The following ACTN3 variants were observed in gnomAD, a reference collection of about 807,000 sequenced individuals.
ACTN3 encodes alpha-actinin-3.
Under a neutral mutation model 119.6 loss-of-function variants are expected in ACTN3, and 91 were observed. The ratio of observed to expected loss-of-function variants is 0.76; its 90% CI spans 0.64 to 0.91. The LOEUF is 0.91. Among genes scored for constraint, ACTN3 ranks in the 40% least tolerant of loss-of-function variants. The probability of loss-of-function intolerance (pLI) is 0.00; values close to 1 mark genes in which losing one functional copy is unlikely to be tolerated. For missense variants in ACTN3, 1,221 were observed against 1,215.1 expected (o/e 1.00, Z -0.07); for synonymous variants, 456 against 478.8 (o/e 0.95, Z 0.62).
chr11:66,559,130 G>A (rs984473255), intron 11 of ACTN3, 106 bp from the exon 12 acceptor site: 16 of 1,241,700 alleles, frequency 1.3e-5, no homozygotes, highest in Middle Eastern at 3.0e-4. Flanking sequence ...GAGCTAGGCC[G>A]GTGCGATCGC....
At chr11:66,562,633 C>T (rs1857808515) in intron 19 of ACTN3, 163 bp from the exon 20 acceptor site, 1 of 346,846 alleles carries the variant, frequency 2.9e-6, no homozygotes, top group Non-Finnish European at 4.1e-6. Flanking sequence ...TTCAGCCTAC[C>T]ATAAAGGACT....
Position 66,554,151 on chromosome 11 carries a change from G to T in ACTN3, c.469+20G>T, listed in dbSNP as rs781501046. The stretch of plus-strand genomic sequence containing the variant: ...TGGAAGGTGAGCAATGGGAAAGGAG[G>T]TTGGGGCCAGGTGCAGTGGCTGGGG... On this transcript the variant is annotated intron_variant, in intron 4 of 20. Transcript: ENST00000513398. The T allele has an allele frequency of 1.9e-6, 3 of 1,611,570 alleles. No homozygotes were observed. Among genetic ancestry groups the T allele is most frequent in the Admixed American group, 3.3e-5 (2 of 59,970 alleles).
Position 66,562,867 on chromosome 11 carries a change from C to T in ACTN3, c.2460C>T (p.Ala820=). 1 of 1,613,848 alleles carries T rather than the reference C, an allele frequency of 6.2e-7. No individual in the cohort carries two copies. Among genetic ancestry groups the T allele is most frequent in the Non-Finnish European group, 8.5e-7 (1 of 1,179,828 alleles). ...CAGCTGGGGTGGTGACCTTCCAGGC[C>T]TTCATAGACTTCATGACCCGAGAGA... ...PNAAGVVTFQ[A]FIDFMTRETA... The change falls in exon 20 of 21, where the codon GCC becomes GCT. Residue 820 remains alanine (A), a synonymous_variant. Coordinates refer to ENST00000513398, the MANE Select transcript of ACTN3 (RefSeq NM_001104.4).
At chr11:66,548,437 C>G (rs912179822) in intron 1 of ACTN3, among the ~76,000 whole-genome samples, 1 of 152,156 alleles carries the variant, frequency 6.6e-6, no homozygotes, top group African/African-American at 2.4e-5. Context: ...TGTAACTTGC[C>G]TTTGTCACCT....
chr11:66,548,574 G>A (rs1857411953), intron 1 of ACTN3, among the ~76,000 whole-genome samples: 1 of 152,088 alleles, frequency 6.6e-6, no homozygotes, highest in Non-Finnish European at 1.5e-5. Context: ...TGGACATTTG[G>A]CTCATTTCTT....
At chr11:66,547,598 A>C (rs1460404086) in intron 1 of ACTN3, among the ~76,000 whole-genome samples, 1 of 152,076 alleles carries the variant, frequency 6.6e-6, no homozygotes, top group East Asian at 1.9e-4. Context: ...GCCCAGAAAG[A>C]GCACAGACAG....
Position 66,556,191 on chromosome 11 carries a change from T to C in ACTN3, c.765T>C (p.Tyr255=), listed in dbSNP as rs1857586085. 1 of 1,613,978 alleles carries C rather than the reference T, an allele frequency of 6.2e-7. No homozygotes were observed. The highest frequency in any genetic ancestry group is 8.5e-7 in the Non-Finnish European group (1 of 1,179,932). ...CGGATGAGAAGGCCATCATGACCTA[T>C]GTGTCCTGCTTCTACCATGCCTTTG... ...PKPDEKAIMT[Y]VSCFYHAFAG... Residue 255 remains tyrosine, a synonymous_variant, in exon 8 of 21, where the codon TAT becomes TAC. Coordinates refer to ENST00000513398, the MANE Select transcript of ACTN3 (RefSeq NM_001104.4).
chr11:66,554,216 C>T (rs954786314), intron 4 of ACTN3, 85 bp downstream of exon 4: 2 of 1,165,480 alleles, frequency 1.7e-6, no homozygotes, highest in Admixed American at 1.9e-5. Context: ...GGCGGGCAGA[C>T]CACTTGAAGG....
At position 66,560,279 on chromosome 11, in the gene ACTN3, G is replaced by A. The variant is rs563602101; in HGVS notation, c.1645G>A (p.Val549Met). ...TGGTGCCGTGGAGGACCTGCAGGAC[G>A]TGTGGCTGGTACACTCTGTGGAGGA... ...LDGAVEDLQDVWLVHSVEETQ... is the reference protein window; with the variant it reads ...LDGAVEDLQDMWLVHSVEETQ... The change falls in exon 14 of 21, where the codon GTG becomes ATG. Residue 549 changes from valine (V) to methionine (M), a missense_variant. Coordinates refer to ENST00000513398, the MANE Select transcript of ACTN3 (RefSeq NM_001104.4). The A allele has an allele frequency of 2.4e-4, 383 of 1,613,304 alleles. 5 individuals carry two copies. The South Asian group carries it at 3.7e-3, about 16-fold the overall frequency.
intron 1 of ACTN3, among the ~76,000 whole-genome samples, chr11:66,550,574 A>G (rs1476543535): frequency 6.6e-6 from 1 of 151,948 alleles, no homozygotes; most frequent in Admixed American, 6.6e-5. Flanking sequence ...GGGCAACATA[A>G]TAAGACCGAG....
chr11:66,556,526 T>G (rs1857594349), intron 8 of ACTN3, among the ~76,000 whole-genome samples: 1 of 152,198 alleles, frequency 6.6e-6, no homozygotes, highest in African/African-American at 2.4e-5. Context: ...CACGGCTCAT[T>G]GCTGCCTTGA....
Position 66,554,046 on chromosome 11 carries a change from G to C in ACTN3, c.384G>C (p.Glu128Asp). 3 of 1,613,784 alleles carry C rather than the reference G, an allele frequency of 1.9e-6. No individual in the cohort carries two copies. The East Asian group carries it at 6.7e-5, about 36-fold the overall frequency. The change falls in exon 4 of 21, where the codon GAG (glutamate) becomes GAC (aspartate). Residue 128 changes from glutamate (E) to aspartate (D), a missense_variant and splice_region_variant. This residue lies in a region of ACTN3 where 239 missense variants were observed against 231.8 expected (regional missense o/e 1.03). Transcript: ENST00000513398. ...GVKLVSIGAE[E>D]IVDGNLKMTL... ...TGTCCCCTGACCCCTGCCCTGCAGA[G>C]ATTGTTGACGGGAACCTGAAGATGA... is the stretch of plus-strand genomic sequence containing the variant.
At chr11:66,561,783 A>T in intron 17 of ACTN3, 146 bp downstream of exon 17, 1 of 1,117,488 alleles carries the variant, frequency 8.9e-7, no homozygotes, top group Non-Finnish European at 1.2e-6. Flanking sequence ...ATGGAAAGTG[A>T]CCCTTCCAGA....
rs756597205 is a variant in ACTN3 at position 66,554,540 on chromosome 11, C to T, written c.474C>T (p.Thr158=). The T allele has an allele frequency of 6.2e-6, 10 of 1,609,634 alleles. No homozygotes were observed. Among genetic ancestry groups the T allele is most frequent in the Non-Finnish European group, 8.5e-6 (10 of 1,177,626 alleles). ...FAIQDISVEE[T]SAKEGLLLWC... ...TCCCACCTCCCCCCGACCCAGAAAC[C>T]TCAGCCAAGGAAGGCTTGCTTCTGT... Residue 158 remains threonine, a synonymous_variant, in exon 5 of 21, where the codon ACC becomes ACT. Transcript: ENST00000513398.
At chr11:66,562,355 C>A (rs1565310389) in intron 19 of ACTN3, 33 bp downstream of exon 19, 2 of 1,605,848 alleles carry the variant, frequency 1.2e-6, no homozygotes, top group East Asian at 2.2e-5. Context: ...CCAGGAGTCC[C>A]AAAGTACCCC....
rs760640694 is a variant in ACTN3, at chr11:66,546,941, A to G, written c.4A>G (p.Met2Val). The change falls in exon 1 of 21, where the codon ATG (methionine) becomes GTG (valine). Residue 2 changes from methionine (M) to valine (V), a missense_variant. This residue lies in a region of ACTN3 where 239 missense variants were observed against 231.8 expected (regional missense o/e 1.03). Coordinates refer to ENST00000513398, the MANE Select transcript of ACTN3 (RefSeq NM_001104.4). M[M>V]MVMQPEGLGA... ...CGAAGCCAGGAGCCCGATCGAGATGATGATGGTTATGCAGCCCGAGGGTCT... is the reference window on the plus strand; with the variant it reads ...CGAAGCCAGGAGCCCGATCGAGATGGTGATGGTTATGCAGCCCGAGGGTCT... The G allele has an allele frequency of 2.6e-6, 4 of 1,538,248 alleles. No individual in the cohort carries two copies. The African/African-American group carries it at 5.5e-5, about 21-fold the overall frequency.
At chr11:66,561,708 G>C (rs1055545000) in intron 17 of ACTN3, 71 bp downstream of exon 17, 1 of 1,510,286 alleles carries the variant, frequency 6.6e-7, no homozygotes, top group African/African-American at 1.4e-5. Context: ...ATCACAGCTG[G>C]ACAGAGCATG....
At chr11:66,553,917 C>A in intron 3 of ACTN3, 128 bp from the exon 4 acceptor site, 1 of 604,418 alleles carries the variant, frequency 1.7e-6, no homozygotes, top group East Asian at 2.9e-5. Flanking sequence ...AGGTGCTCAC[C>A]TACTAGGTGC....
At chr11:66,557,052 C>T (rs568094740) in intron 8 of ACTN3, 81 bp from the exon 9 acceptor site, 159 of 1,326,470 alleles carry the variant, frequency 1.2e-4, no homozygotes, top group African/African-American at 1.1e-3. Context: ...TGAGCCACCG[C>T]GCTCGGCGGG....
Sources: allele counts gnomAD v4.1 joint callset (sites outside exome capture counted in the v4.1 genomes callset), GRCh38; gene constraint gnomAD v4.1.1; regional missense constraint gnomAD v4.1.1; transcripts MANE v1.5; gene names NCBI Gene and HGNC (gene_info 2026-07-23, HGNC 2026-07-21).